RPS6KA2: variants seen among roughly 807,000 people sequenced by gnomAD.
RPS6KA2 encodes ribosomal protein S6 kinase alpha-2.
Under a neutral mutation model 91.8 loss-of-function variants are expected in RPS6KA2, and 42 were observed. The observed-to-expected ratio is 0.46, with a 90% CI of 0.36 to 0.59. The LOEUF is 0.59. RPS6KA2 is among the 20% of genes least tolerant of loss of function. The probability of loss-of-function intolerance (pLI) is 0.00; values close to 1 mark genes in which losing one functional copy is unlikely to be tolerated. For synonymous variants in RPS6KA2, 414 were observed against 393.6 expected (o/e 1.05, Z -0.61); for missense variants, 798 against 978.5 (o/e 0.82, Z 2.46).
intron 3 of RPS6KA2, among the ~76,000 whole-genome samples, chr6:166,522,232 A>G (rs926178220): frequency 3.3e-5 from 5 of 152,256 alleles, no homozygotes; most frequent in African/African-American, 4.8e-5. Context: ...ACAAAAGAAA[A>G]TTAAGGTTAA....
chr6:166,657,675 G>A (rs1157498939), intron 2 of RPS6KA2, among the ~76,000 whole-genome samples: 4 of 152,208 alleles, frequency 2.6e-5, no homozygotes, highest in Non-Finnish European at 5.9e-5. Flanking sequence ...TCTAAGGAGA[G>A]TGTGCTAGGC....
chr6:166,709,930 G>C (rs1280777482), intron 2 of RPS6KA2, among the ~76,000 whole-genome samples: 1 of 152,196 alleles, frequency 6.6e-6, no homozygotes, highest in Non-Finnish European at 1.5e-5. Context: ...TTTCTAAATG[G>C]AAGCACATCT....
intron 13 of RPS6KA2, among the ~76,000 whole-genome samples, chr6:166,449,850 A>C (rs62438439): frequency 1.1e-5 from 1 of 87,008 alleles, no homozygotes; most frequent in South Asian, 3.2e-4. Context: ...GACAACCACG[A>C]GGACCACCAT....
At chr6:166,798,160 C>T (rs1458319521) in intron 2 of RPS6KA2, among the ~76,000 whole-genome samples, 1 of 152,206 alleles carries the variant, frequency 6.6e-6, no homozygotes, top group African/African-American at 2.4e-5. Flanking sequence ...GTAATTAAAA[C>T]CAACTGTAGC....
At chr6:166,660,684 C>T (rs949098402) in intron 2 of RPS6KA2, among the ~76,000 whole-genome samples, 2 of 152,144 alleles carry the variant, frequency 1.3e-5, no homozygotes, top group African/African-American at 2.4e-5. Context: ...TGTAACAGAA[C>T]ACCCACCAAA....
intron 2 of RPS6KA2, among the ~76,000 whole-genome samples, chr6:166,745,574 G>A (rs909313729): frequency 1.3e-5 from 2 of 152,200 alleles, no homozygotes; most frequent in Admixed American, 1.3e-4. Context: ...CTGGGGTCCT[G>A]GGCTTAGAGT....
chr6:166,829,332 C>T (rs528800718), intron 2 of RPS6KA2, among the ~76,000 whole-genome samples: 2 of 152,120 alleles, frequency 1.3e-5, no homozygotes, highest in Non-Finnish European at 2.9e-5. Context: ...TGGCTCACGC[C>T]TGTAATCCCA....
chr6:166,610,039 TCTC>T (rs754940977), intron 1 of RPS6KA2, among the ~76,000 whole-genome samples: 3 of 152,206 alleles, frequency 2.0e-5, no homozygotes, highest in Non-Finnish European at 2.9e-5. Flanking sequence ...TCTCCTCCTA[TCTC>T]CTCATTATAT....
chr6:166,556,737 CCT>C (rs1262386101), intron 1 of RPS6KA2, among the ~76,000 whole-genome samples: 1 of 152,168 alleles, frequency 6.6e-6, no homozygotes, highest in African/African-American at 2.4e-5. Flanking sequence ...GAGCAGAATC[CCT>C]CTGAGTCCAG....
intron 2 of RPS6KA2, chr6:166,702,522 C>T: frequency 6.8e-7 from 1 of 1,473,220 alleles, no homozygotes; most frequent in Non-Finnish European, 9.5e-7. Flanking sequence ...AGCTCTCCAC[C>T]ACTCCATACT....
chr6:166,861,309 A>G (rs1231235526), intron 1 of RPS6KA2, among the ~76,000 whole-genome samples: 1 of 152,264 alleles, frequency 6.6e-6, no homozygotes, highest in Admixed American at 6.5e-5. Flanking sequence ...ATTACAAATG[A>G]GCCATGTTTA....
chr6:166,759,454 T>G (rs1299030355), intron 2 of RPS6KA2, among the ~76,000 whole-genome samples: 1 of 152,212 alleles, frequency 6.6e-6, no homozygotes, highest in Non-Finnish European at 1.5e-5. Flanking sequence ...CTCAATTACC[T>G]TTTGCTACTT....
chr6:166,525,526 A>G (rs543041032), intron 3 of RPS6KA2, among the ~76,000 whole-genome samples: 2 of 152,234 alleles, frequency 1.3e-5, no homozygotes, highest in African/African-American at 4.8e-5. Flanking sequence ...TGGAGATCAA[A>G]TGGAGCCGTC....
intron 1 of RPS6KA2, among the ~76,000 whole-genome samples, chr6:166,616,047 C>T (rs1031793969): frequency 3.3e-5 from 5 of 152,098 alleles, no homozygotes; most frequent in African/African-American, 9.7e-5. Context: ...TGTCTCTTGC[C>T]GTACCCTGCC....
chr6:166,594,532 G>A (rs78391727), intron 1 of RPS6KA2, among the ~76,000 whole-genome samples: 5 of 151,686 alleles, frequency 3.3e-5, no homozygotes, highest in African/African-American at 4.8e-5. Flanking sequence ...GCGCAATCTC[G>A]GCTCACTGCA....
Position 166,550,861 on chromosome 6 carries a change from C to T in RPS6KA2, c.100-12077G>A, listed in dbSNP as rs545209185. Reference sequence around the variant, plus strand: ...ACTAAAATACAAAAAATTAGCCAGGCGTGGTGGCGGGCGCCTGTAGTCCCA... The same window carrying T: ...ACTAAAATACAAAAAATTAGCCAGGTGTGGTGGCGGGCGCCTGTAGTCCCA... On this transcript the variant is annotated intron_variant, in intron 1 of 20. Coordinates refer to ENST00000265678, the MANE Select transcript of RPS6KA2 (RefSeq NM_021135.6). Among the ~76,000 whole-genome samples, 66 of 151,862 alleles carry T rather than the reference C, an allele frequency of 4.3e-4. 1 individual carries two copies. In the South Asian group the frequency reaches 0.011, roughly 25 times the overall value.
At chr6:166,789,554 C>T (rs1341177061) in intron 2 of RPS6KA2, among the ~76,000 whole-genome samples, 1 of 152,240 alleles carries the variant, frequency 6.6e-6, no homozygotes, top group Non-Finnish European at 1.5e-5. Flanking sequence ...TGAGAACAGG[C>T]AGACTGCCTC....
At chr6:166,506,318 G>A (rs1317087196) in intron 5 of RPS6KA2, among the ~76,000 whole-genome samples, 1 of 152,212 alleles carries the variant, frequency 6.6e-6, no homozygotes, top group Non-Finnish European at 1.5e-5. Flanking sequence ...GGAGCTGCAG[G>A]ACTTTTTGCT....
chr6:166,695,154 G>A (rs1334939921), intron 2 of RPS6KA2, among the ~76,000 whole-genome samples: 1 of 152,160 alleles, frequency 6.6e-6, no homozygotes, highest in Admixed American at 6.5e-5. Context: ...CTATGCGAAT[G>A]GACTCAGGAA....
Sources: allele counts gnomAD v4.1 joint callset (sites outside exome capture counted in the v4.1 genomes callset), GRCh38; gene constraint gnomAD v4.1.1; transcripts MANE v1.5; gene names NCBI Gene and HGNC (gene_info 2026-07-23, HGNC 2026-07-21).